SLC44A3: variants seen among roughly 807,000 people sequenced by gnomAD.
The protein encoded by SLC44A3 is solute carrier family 44 member 3, also known as choline transporter-like protein 3.
Under a neutral mutation model 75.4 loss-of-function variants are expected in SLC44A3, and 74 were observed. That is an observed-to-expected ratio of 0.98 (90% CI 0.81 to 1.19). The LOEUF is 1.19. Ranked by LOEUF, SLC44A3 falls within the 50% of genes most tolerant of loss-of-function variation. The pLI is 0.00. For synonymous variants in SLC44A3, 310 were observed against 296.9 expected (o/e 1.04, Z -0.45); for missense variants, 700 against 778.6 (o/e 0.90, Z 1.20).
chr1:94,883,171 C>A (rs988850026), intron 12 of SLC44A3, among the ~76,000 whole-genome samples: 1 of 151,640 alleles, frequency 6.6e-6, no homozygotes, highest in Admixed American at 6.6e-5. Flanking sequence ...TGTGAAGGGG[C>A]AGGCATGGTG....
rs772267424 is a variant in SLC44A3 at position 94,857,505 on chromosome 1, G to C, written c.1238+5G>C. 6.2e-7 allele frequency: 1 copy of C among 1,604,222 alleles called. No individual in the cohort carries two copies. The highest frequency in any genetic ancestry group is 8.5e-7 in the Non-Finnish European group (1 of 1,176,576). Reference sequence around the variant, plus strand: ...GGTTACTTGTTATTTCAACAGGTAGGTCCAGTGTTTTTTTTCTATTGGTTT... The same window carrying C: ...GGTTACTTGTTATTTCAACAGGTAGCTCCAGTGTTTTTTTTCTATTGGTTT... On this transcript the variant is annotated splice_donor_5th_base_variant and intron_variant, in intron 10 of 14. Transcript: ENST00000271227.
At chr1:94,885,243 A>AAAAAG (rs56274235) in intron 12 of SLC44A3, among the ~76,000 whole-genome samples, 7 of 149,352 alleles carry the variant, frequency 4.7e-5, no homozygotes, top group African/African-American at 7.4e-5. Context: ...AAAAAAAAAA[A>AAAAAG]GAGGCAGCAG....
At chr1:94,859,706 G>A (rs190999557) in intron 10 of SLC44A3, among the ~76,000 whole-genome samples, 131 of 152,318 alleles carry the variant, frequency 8.6e-4, no homozygotes, top group Non-Finnish European at 1.7e-3. Flanking sequence ...TACAGCTGAG[G>A]CTGGGGGCAA....
In SLC44A3 at chr1:94,845,325, G is replaced by A; in HGVS notation, c.933G>A (p.Leu311=). Residue 311 remains leucine (L), a synonymous_variant, in exon 9 of 15, where the codon TTG becomes TTA. Transcript: ENST00000271227. ...LIFVLRKRIK[L]TVELFQITNK... ...TTGTTCTCAGAAAGAGAATAAAATT[G>A]ACAGTTGAGCTTTTCCAAATCACAA... 6.2e-7 allele frequency: 1 copy of A among 1,613,664 alleles called. No homozygotes were observed. The highest frequency in any genetic ancestry group is 8.5e-7 in the Non-Finnish European group (1 of 1,179,850).
At chr1:94,891,083 AC>A (rs761119374) in intron 12 of SLC44A3, 46 bp from the exon 13 acceptor site, 2 of 1,537,930 alleles carry the variant, frequency 1.3e-6, no homozygotes, top group East Asian at 4.5e-5. Flanking sequence ...TGCCTTAAAA[AC>A]AATTGTTATA....
At chr1:94,879,539 GAAAAA>G (rs34622297) in intron 12 of SLC44A3, among the ~76,000 whole-genome samples, 2 of 119,940 alleles carry the variant, frequency 1.7e-5, no homozygotes, top group African/African-American at 6.6e-5. Context: ...CTCAAAAAAA[GAAAAA>G]AAAAAAAAAA....
At chr1:94,847,224 C>T (rs1010780391) in intron 9 of SLC44A3, among the ~76,000 whole-genome samples, 5 of 152,234 alleles carry the variant, frequency 3.3e-5, no homozygotes, top group African/African-American at 1.2e-4. Context: ...TGGAGAGGAT[C>T]CATGCCAGCC....
chr1:94,825,911 G>T (rs1169096013), intron 3 of SLC44A3: 1 of 456,216 alleles, frequency 2.2e-6, no homozygotes, highest in African/African-American at 2.0e-5. Context: ...TGTTCATAAT[G>T]CAGTGTCAAC....
intron 5 of SLC44A3, among the ~76,000 whole-genome samples, chr1:94,835,522 C>A (rs1662664233): frequency 6.6e-6 from 1 of 152,172 alleles, no homozygotes; most frequent in African/African-American, 2.4e-5. Flanking sequence ...GAACCCTCCA[C>A]CATCGTTACA....
intron 9 of SLC44A3, among the ~76,000 whole-genome samples, chr1:94,846,266 C>T (rs1664394611): frequency 6.6e-6 from 1 of 151,950 alleles, no homozygotes; most frequent in Non-Finnish European, 1.5e-5. Flanking sequence ...TTTTTCATAT[C>T]CACACAGTGG....
At chr1:94,887,679 G>C (rs1431504980) in intron 12 of SLC44A3, among the ~76,000 whole-genome samples, 1 of 152,180 alleles carries the variant, frequency 6.6e-6, no homozygotes, top group Non-Finnish European at 1.5e-5. Context: ...CAAAAACAGT[G>C]CTTCCCCATG....
At chr1:94,841,873 G>T (rs1663693030) in intron 7 of SLC44A3, 127 bp from the exon 8 acceptor site, 1 of 1,295,644 alleles carries the variant, frequency 7.7e-7, no homozygotes. Flanking sequence ...GGGTATTTGG[G>T]ACCCACTGCC....
At chr1:94,882,389 C>T (rs1669100569) in intron 12 of SLC44A3, among the ~76,000 whole-genome samples, 1 of 152,174 alleles carries the variant, frequency 6.6e-6, no homozygotes, top group South Asian at 2.1e-4. Context: ...TGTCATCTTC[C>T]TTCTGAGGAA....
intron 5 of SLC44A3, among the ~76,000 whole-genome samples, chr1:94,834,791 A>G (rs1662565277): frequency 6.6e-6 from 1 of 152,196 alleles, no homozygotes; most frequent in Non-Finnish European, 1.5e-5. Flanking sequence ...GGTGAAAGGG[A>G]TAAATCTTTA....
At chr1:94,880,533 C>T (rs1471248705) in intron 12 of SLC44A3, among the ~76,000 whole-genome samples, 1 of 152,138 alleles carries the variant, frequency 6.6e-6, no homozygotes, top group Non-Finnish European at 1.5e-5. Context: ...TCCATTCATA[C>T]AGTATTTGTC....
Position 94,820,432 on chromosome 1 carries a change from C to A in SLC44A3, c.-20C>A. 2.1e-6 allele frequency: 3 copies of A among 1,453,948 alleles called. No homozygotes were observed. The highest frequency in any genetic ancestry group is 1.8e-6 in the Non-Finnish European group (2 of 1,106,346). The allele number at this position is 1,453,948 out of a possible 1,614,324, so 90.1% of individuals were successfully genotyped here. On this transcript the variant is annotated 5_prime_UTR_variant, in exon 1 of 15. Coordinates refer to ENST00000271227, the MANE Select transcript of SLC44A3 (RefSeq NM_001114106.3). ...GGCGGCGGCGGCTCCCAGTCACCGG[C>A]CCCCGCCGGCGAGCGCACGATGCAC...
At chr1:94,823,737 AGT>A (rs1660924657) in intron 2 of SLC44A3, among the ~76,000 whole-genome samples, 2 of 152,232 alleles carry the variant, frequency 1.3e-5, no homozygotes, top group Non-Finnish European at 2.9e-5. Flanking sequence ...GTCAATATAG[AGT>A]ATTAAATGGT....
At chr1:94,839,876 A>T in intron 6 of SLC44A3, 72 bp from the exon 7 acceptor site, 1 of 1,072,638 alleles carries the variant, frequency 9.3e-7, no homozygotes, top group Non-Finnish European at 1.5e-6. Context: ...GGGTTTTGTC[A>T]TCGCAGTACT....
chr1:94,892,481 G>C lies in SLC44A3; in HGVS notation c.1821G>C (p.Ser607=). 1 of 1,614,118 alleles carries C rather than the reference G, an allele frequency of 6.2e-7. No individual in the cohort carries two copies. Among genetic ancestry groups the C allele is most frequent in the East Asian group, 2.2e-5 (1 of 44,874 alleles). ...FAVDLETNDG[S]SEKPYFMDQE... is the part of the protein sequence containing the mutation. ...TTGATCTGGAAACAAATGATGGATC[G>C]TCAGAAAAGCCCTACTTTATGGATC... The change falls in exon 14 of 15, where the codon TCG becomes TCC. Residue 607 remains serine (S), a synonymous_variant. Coordinates refer to ENST00000271227, the MANE Select transcript of SLC44A3 (RefSeq NM_001114106.3).
Sources: allele counts gnomAD v4.1 joint callset (sites outside exome capture counted in the v4.1 genomes callset), GRCh38; gene constraint gnomAD v4.1.1; transcripts MANE v1.5; gene names NCBI Gene and HGNC (gene_info 2026-07-23, HGNC 2026-07-21).